Variants in CHDH observed in about 807,000 individuals in gnomAD.
The protein encoded by CHDH is choline dehydrogenase, also known as choline dehydrogenase, mitochondrial.
Under a neutral mutation model 56.9 loss-of-function variants are expected in CHDH, and 43 were observed. The ratio of observed to expected loss-of-function variants is 0.76; its 90% CI spans 0.59 to 0.97. The LOEUF (loss-of-function observed/expected upper bound fraction) is 0.97. Among genes scored for constraint, CHDH ranks in the 50% least tolerant of loss-of-function variants. The probability of loss-of-function intolerance (pLI) is 0.00; values close to 1 mark genes in which losing one functional copy is unlikely to be tolerated. For synonymous variants in CHDH, 364 were observed against 348.5 expected (o/e 1.04, Z -0.50); for missense variants, 816 against 821.1 (o/e 0.99, Z 0.08).
At chr3:53,831,334 T>C (rs1698327527) in intron 2 of CHDH, among the ~76,000 whole-genome samples, 1 of 152,228 alleles carries the variant, frequency 6.6e-6, no homozygotes, top group African/African-American at 2.4e-5. Context: ...CTGGGGAAAC[T>C]TGCCGCCCCA....
intron 2 of CHDH, among the ~76,000 whole-genome samples, chr3:53,838,132 G>T (rs115687459): frequency 1.9e-4 from 29 of 151,896 alleles, no homozygotes; most frequent in Non-Finnish European, 3.8e-4. Context: ...AGGCAAGGGT[G>T]GGGGGCCCAG....
intron 3 of CHDH, 75 bp downstream of exon 3, chr3:53,823,230 TG>T: frequency 7.4e-7 from 1 of 1,350,704 alleles, no homozygotes; most frequent in Non-Finnish European, 9.8e-7. Context: ...GCCAGGAGCC[TG>T]GAGCCACGGG....
chr3:53,819,532 C>A lies in CHDH; in HGVS notation c.1263G>T (p.Gln421His). 6.2e-7 allele frequency: 1 copy of A among 1,605,970 alleles called. No homozygotes were observed. The highest frequency in any genetic ancestry group is 8.5e-7 in the Non-Finnish European group (1 of 1,176,204). ...GRVPTQQEAY[Q>H]VHVGPMRGTS... ...AGCCGAGGCTCTTCCACCTGCTCACCTGGTAAGCCTCCTGCTGGGTGGGGA... is the reference window on the plus strand; with the variant it reads ...AGCCGAGGCTCTTCCACCTGCTCACATGGTAAGCCTCCTGCTGGGTGGGGA... The change falls in exon 7 of 9, where the codon CAG becomes CAT. Residue 421 changes from glutamine (Q) to histidine (H), a missense_variant and splice_region_variant. Gln to His is a conservative substitution (Grantham distance 24, BLOSUM62 0). Coordinates refer to ENST00000315251, the MANE Select transcript of CHDH (RefSeq NM_018397.5). The surrounding 1 kb of genome is among the most constrained non-coding windows in gnomAD (Gnocchi z 5.4).
intron 2 of CHDH, among the ~76,000 whole-genome samples, chr3:53,830,714 A>G (rs537269908): frequency 1.3e-5 from 2 of 152,346 alleles, no homozygotes; most frequent in South Asian, 2.1e-4. Context: ...CCAAGTGCAC[A>G]TGGAACATTC....
intron 1 of CHDH, among the ~76,000 whole-genome samples, chr3:53,842,691 C>A (rs1268296023): frequency 6.6e-6 from 1 of 152,182 alleles, no homozygotes; most frequent in African/African-American, 2.4e-5. Context: ...CTTTCCTGGG[C>A]CAGCCCCTCC....
chr3:53,823,603 C>T lies in CHDH; in HGVS notation c.406G>A (p.Ala136Thr), dbSNP rs1341451863. Residue 136 changes from alanine (A) to threonine (T), a missense_variant, in exon 3 of 9, where the codon GCC becomes ACC. Transcript: ENST00000315251. ...RVWGGSSSLNAMVYVRGHAED... is the reference protein window; with the variant it reads ...RVWGGSSSLNTMVYVRGHAED... ...GCGTGCCCACGGACGTAGACCATGGCATTGAGGGATGAGGAGCCACCCCAG... is the reference window on the plus strand; with the variant it reads ...GCGTGCCCACGGACGTAGACCATGGTATTGAGGGATGAGGAGCCACCCCAG... 3 of 1,543,826 alleles carry T rather than the reference C, an allele frequency of 1.9e-6. No homozygotes were observed. Among genetic ancestry groups the T allele is most frequent in the Non-Finnish European group, 1.7e-6 (2 of 1,146,354 alleles).
At chr3:53,830,851 AC>A (rs1166843931) in intron 2 of CHDH, among the ~76,000 whole-genome samples, 1 of 145,258 alleles carries the variant, frequency 6.9e-6, no homozygotes, top group Non-Finnish European at 1.5e-5. Context: ...CTCGCCCCCC[AC>A]CCCCACAGGA....
chr3:53,837,876 G>A (rs1698548153), intron 2 of CHDH, among the ~76,000 whole-genome samples: 1 of 152,108 alleles, frequency 6.6e-6, no homozygotes, highest in Admixed American at 6.5e-5. Context: ...TGGCCAACAT[G>A]GCAAAACCTC....
Position 53,823,769 on chromosome 3 carries a change from C to T in CHDH, c.240G>A (p.Gly80=), listed in dbSNP as rs751369522. 4 of 1,564,292 alleles carry T rather than the reference C, an allele frequency of 2.6e-6. No homozygotes were observed. In the Admixed American group the frequency reaches 5.6e-5, roughly 22 times the overall value. The change falls in exon 3 of 9, where the codon GGG becomes GGA. Residue 80 remains glycine (G), a synonymous_variant. Transcript: ENST00000315251. The part of the protein sequence containing the change: ...LEAGPKDVLA[G]SKRLSWKIHM... ...GGATCTTCCACGAGAGCCGCTTGCT[C>T]CCCGCGAGCACGTCCTTGGGCCCGG... is the stretch of plus-strand genomic sequence containing the variant.
Position 53,813,542 on chromosome 3 carries a change from T to G in CHDH, c.*4235A>C, listed in dbSNP as rs2095609957. ...ATCCTGGACTCTGTGTCTCTCTCTG[T>G]TGGGTCTTGTGGCATCACATCAGGC... is the stretch of plus-strand genomic sequence containing the variant. On this transcript the variant is annotated 3_prime_UTR_variant, in exon 9 of 9. Transcript: ENST00000315251. The G allele has an allele frequency of 6.6e-6, 1 of 152,254 alleles. No individual in the cohort carries two copies. Among genetic ancestry groups the G allele is most frequent in the Non-Finnish European group, 1.5e-5 (1 of 68,060 alleles). The allele number at this position is 152,254 out of a possible 1,614,324, so 9.4% of individuals were successfully genotyped here.
chr3:53,815,223 G>A lies in CHDH; in HGVS notation c.*2554C>T, dbSNP rs542740898. ...ACTGGGCACATGGACAGCGCATTCT[G>A]TTGTGCTCTTTGAGCCATTTTTGCA... On this transcript the variant is annotated 3_prime_UTR_variant, in exon 9 of 9. Transcript: ENST00000315251. 8.5e-5 allele frequency: 13 copies of A among 152,388 alleles called. No individual in the cohort carries two copies. Among genetic ancestry groups the A allele is most frequent in the African/African-American group, 3.1e-4 (13 of 41,580 alleles). 9.4% of individuals were successfully genotyped at this position (152,388 alleles called of 1,614,324 possible).
chr3:53,832,252 C>G lies in CHDH; in HGVS notation c.-59-8185G>C, dbSNP rs1200751102. ...AATGTCTATCAACAGGTGAGTAGGG[C>G]CGGGCATGGTGGCTCACGCCTGTAA... On this transcript the variant is annotated intron_variant, in intron 2 of 8. Transcript: ENST00000315251. Among the ~76,000 whole-genome samples the G allele has an allele frequency of 1.3e-5, 2 of 152,094 alleles. 1 individual carries two copies. The highest frequency in any genetic ancestry group is 4.1e-4 in the South Asian group (2 of 4,828).
intron 2 of CHDH, among the ~76,000 whole-genome samples, chr3:53,838,701 T>C (rs1698581395): frequency 6.6e-6 from 1 of 152,196 alleles, no homozygotes; most frequent in Non-Finnish European, 1.5e-5. Context: ...CTTCCTGCCA[T>C]GTGCATTCAC....
Position 53,815,110 on chromosome 3 carries a change from C to T in CHDH, c.*2667G>A, listed in dbSNP as rs951962026. On this transcript the variant is annotated 3_prime_UTR_variant, in exon 9 of 9. Coordinates refer to ENST00000315251, the MANE Select transcript of CHDH (RefSeq NM_018397.5). ...TGCTCTTGGCTCCCACACAGCCCAC[C>T]CCTATCCCCTATTCCATCAGGAGCT... 2.0e-5 allele frequency: 3 copies of T among 152,290 alleles called. No homozygotes were observed. The highest frequency in any genetic ancestry group is 7.2e-5 in the African/African-American group (3 of 41,460). 9.4% of individuals were successfully genotyped at this position (152,290 alleles called of 1,614,324 possible). A position where few individuals can be genotyped will look rare whatever the true frequency, so the allele number is the denominator to read the frequency against.
Position 53,823,767 on chromosome 3 carries a change from C to T in CHDH, c.242G>A (p.Ser81Asn), listed in dbSNP as rs1468041663. Residue 81 changes from serine (S) to asparagine (N), a missense_variant, in exon 3 of 9, where the codon AGC (serine) becomes AAC (asparagine). Ser to Asn is a conservative substitution (Grantham distance 46). Coordinates refer to ENST00000315251, the MANE Select transcript of CHDH (RefSeq NM_018397.5). Reference sequence around the variant, plus strand: ...GTGGATCTTCCACGAGAGCCGCTTGCTCCCCGCGAGCACGTCCTTGGGCCC... The same window carrying T: ...GTGGATCTTCCACGAGAGCCGCTTGTTCCCCGCGAGCACGTCCTTGGGCCC... ...EAGPKDVLAGSKRLSWKIHMP... is the reference protein window; with the variant it reads ...EAGPKDVLAGNKRLSWKIHMP... 1 of 1,563,614 alleles carries T rather than the reference C, an allele frequency of 6.4e-7. No homozygotes were observed. The highest frequency in any genetic ancestry group is 8.7e-7 in the Non-Finnish European group (1 of 1,156,034).
rs1454245035 is a variant in CHDH, at chr3:53,823,725, A to T, written c.284T>A (p.Val95Glu). The T allele has an allele frequency of 6.4e-7, 1 of 1,552,572 alleles. No homozygotes were observed. Among genetic ancestry groups the T allele is most frequent in the South Asian group, 1.2e-5 (1 of 84,396 alleles). The stretch of plus-strand genomic sequence containing the variant: ...GTACCTGTCGTCGCACAGGTTGGCC[A>T]CCAGGGCCGCGGGCATGTGGATCTT... ...SWKIHMPAAL[V>E]ANLCDDRYNW... Residue 95 changes from valine (V) to glutamate (E), a missense_variant, in exon 3 of 9, where the codon GTG becomes GAG. Transcript: ENST00000315251.
In CHDH at chr3:53,821,394, T is replaced by TTCAGG. The variant is rs561133376; in HGVS notation, c.985+252_985+253insCCTGA. Among the ~76,000 whole-genome samples the TTCAGG allele has an allele frequency of 2.9e-3, 448 of 152,254 alleles. 2 individuals carry two copies. The highest frequency in any genetic ancestry group is 3.9e-3 in the Admixed American group (60 of 15,296). On this transcript the variant is annotated intron_variant, in intron 5 of 8. Coordinates refer to ENST00000315251, the MANE Select transcript of CHDH (RefSeq NM_018397.5). ...GTGGGGCTTCAGGGCAGATACTCCC[T>TTCAGG]GCTGCAGGGTGCCCTTCTCCAAATG...
At position 53,817,786 on chromosome 3, in the gene CHDH, G is replaced by A; in HGVS notation, c.1776C>T (p.Thr592=). The part of the protein sequence containing the change: ...VPVYKPRTLA[T]QR ...TCCAGCAGCAACTGTCTTAGCGCTG[G>A]GTGGCCAGCGTCCTGGGCTTGTAGA... is the stretch of plus-strand genomic sequence containing the variant. Residue 592 remains threonine (T), a synonymous_variant, in exon 9 of 9, where the codon ACC becomes ACT. Transcript: ENST00000315251. 1 of 1,601,960 alleles carries A rather than the reference G, an allele frequency of 6.2e-7. No individual in the cohort carries two copies. Among genetic ancestry groups the A allele is most frequent in the Non-Finnish European group, 8.5e-7 (1 of 1,173,570 alleles).
Position 53,817,720 on chromosome 3 carries a change from G to C in CHDH, c.*57C>G. ...GCAGGAGCCTGGGAGCAAGGGCTGT[G>C]CTGGCCCTCTTGGCTTATCAGGGGG... On this transcript the variant is annotated 3_prime_UTR_variant, in exon 9 of 9. Transcript: ENST00000315251. The C allele has an allele frequency of 1.4e-6, 2 of 1,464,760 alleles. No homozygotes were observed. The highest frequency in any genetic ancestry group is 2.7e-5 in the South Asian group (2 of 75,402). 90.7% of individuals were successfully genotyped at this position (1,464,760 alleles called of 1,614,324 possible).
Sources: gnomAD v4.1 joint callset for allele counts (sites outside exome capture counted in the v4.1 genomes callset) on GRCh38, gnomAD v4.1.1 for gene constraint, Gnocchi (gnomAD v3.1) non-coding constraint, MANE v1.5 for transcripts, NCBI Gene and HGNC (gene_info 2026-07-23, HGNC 2026-07-21) for gene names.